TK1: variants seen among roughly 807,000 people sequenced by gnomAD.
TK1 encodes thymidine kinase 1, also known as thymidine kinase, cytosolic.
TK1 carries 13 observed loss-of-function variants against 22.4 expected under a neutral mutation model. That is an observed-to-expected ratio of 0.58 (90% CI 0.38 to 0.92). TK1 has a LOEUF of 0.92. Ranked by LOEUF, TK1 falls within the 40% of genes least tolerant of loss-of-function variation. The pLI, the probability that TK1 is intolerant of heterozygous loss-of-function variation, is 0.00. For missense variants in TK1, 251 were observed against 315.7 expected (o/e 0.80, Z 1.55); for synonymous variants, 134 against 125.4 (o/e 1.07, Z -0.46).
chr17:78,184,902 T>C (rs552751781), intron 3 of TK1, among the ~76,000 whole-genome samples, 153 bp downstream of exon 3: 4 of 150,380 alleles, frequency 2.7e-5, no homozygotes, highest in Admixed American at 2.0e-4. Flanking sequence ...GAGTGGAGAG[T>C]GTGCGCTACC....
At chr17:78,186,665 A>AAGGGAAGGGG in intron 2 of TK1, 122 bp downstream of exon 2, 2 of 813,586 alleles carry the variant, frequency 2.5e-6, no homozygotes, top group Admixed American at 3.4e-5. Flanking sequence ...CTTCTAGGGG[A>AAGGGAAGGGG]AGGGAAGGGG....
intron 4 of TK1, among the ~76,000 whole-genome samples, chr17:78,181,633 C>T (rs1330908954): frequency 6.6e-6 from 1 of 151,912 alleles, no homozygotes; most frequent in East Asian, 1.9e-4. Context: ...CATACAAAGA[C>T]TGGCAGCTTC....
At chr17:78,183,842 G>A (rs73377436) in intron 3 of TK1, 10,261 of 152,344 alleles carry the variant, frequency 0.067, 440 homozygotes, top group South Asian at 0.14. Flanking sequence ...CCTAAACAGA[G>A]AAAGACAAAG....
At chr17:78,182,711 G>C in intron 3 of TK1, 29 bp from the exon 4 acceptor site, 1 of 1,508,000 alleles carries the variant, frequency 6.6e-7, no homozygotes, top group Non-Finnish European at 8.9e-7. Context: ...AGCGTGAGCA[G>C]GGCCAGGGAG....
chr17:78,181,946 G>A (rs1437196318), intron 4 of TK1, among the ~76,000 whole-genome samples: 1 of 151,338 alleles, frequency 6.6e-6, no homozygotes, highest in Non-Finnish European at 1.5e-5. Context: ...TGGTAGAGAT[G>A]GGGTTTTACT....
At chr17:78,178,927 A>G (rs1335345984) in intron 4 of TK1, among the ~76,000 whole-genome samples, 1 of 152,210 alleles carries the variant, frequency 6.6e-6, no homozygotes, top group Non-Finnish European at 1.5e-5. Flanking sequence ...ATGTCTGGGT[A>G]GGGTGTAATA....
Position 78,186,787 on chromosome 17 carries a change from C to A in TK1, c.98G>T (p.Ser33Ile). 6.3e-7 allele frequency: 1 copy of A among 1,586,288 alleles called. No homozygotes were observed. Residue 33 changes from serine to isoleucine, a missense_variant and splice_region_variant, in exon 2 of 7, where the codon AGC becomes ATC. Ser to Ile is a moderately radical substitution (Grantham distance 142). Coordinates refer to ENST00000301634, the MANE Select transcript of TK1 (RefSeq NM_003258.5). ...VILGPMFSGK[S>I]TELMRRVRRF... ...CACCCCAGCCCCGCGAAGCCATTACCTTTTTCCTGAGAACATCGGCCCGAG... is the reference window on the plus strand; with the variant it reads ...CACCCCAGCCCCGCGAAGCCATTACATTTTTCCTGAGAACATCGGCCCGAG...
At chr17:78,186,659 T>TAGGGG in intron 2 of TK1, 128 bp downstream of exon 2, 1 of 875,860 alleles carries the variant, frequency 1.1e-6, no homozygotes, top group Non-Finnish European at 1.6e-6. Flanking sequence ...CTGGTCCTTC[T>TAGGGG]AGGGGAAGGG....
chr17:78,179,097 G>C, intron 4 of TK1: 2 of 935,012 alleles, frequency 2.1e-6, no homozygotes, highest in Non-Finnish European at 2.6e-6. Flanking sequence ...TTTCTGCCTC[G>C]GGGGTCTGGG....
chr17:78,175,219 G>GTTTTTTTTTTTT lies in TK1; in HGVS notation c.394-51_394-50insAAAAAAAAAAAA. On this transcript the variant is annotated intron_variant, in intron 5 of 6. Transcript: ENST00000301634. ...GGCGCTCAGCCACCTTACCAGGTGG[G>GTTTTTTTTTTTT]TTTTTCTTTTAAACCCTCTGATTCA... The GTTTTTTTTTTTT allele has an allele frequency of 8.3e-6, 13 of 1,574,986 alleles. No homozygotes were observed. The Admixed American group carries it at 1.5e-4, about 18-fold the overall frequency.
chr17:78,180,983 C>G (rs1268037577), intron 4 of TK1, among the ~76,000 whole-genome samples: 1 of 152,226 alleles, frequency 6.6e-6, no homozygotes, highest in Non-Finnish European at 1.5e-5. Context: ...GGCGTGGTGG[C>G]TCACGCCTGT....
intron 4 of TK1, chr17:78,179,228 G>A (rs1293250323): frequency 5.1e-6 from 5 of 985,306 alleles, no homozygotes; most frequent in Non-Finnish European, 6.0e-6. Context: ...TTCTGAGAGG[G>A]CCATGTCCCC....
At chr17:78,180,933 A>G (rs2145826314) in intron 4 of TK1, among the ~76,000 whole-genome samples, 1 of 152,288 alleles carries the variant, frequency 6.6e-6, no homozygotes. Context: ...AAACACAATG[A>G]CCAGCGCTGC....
At chr17:78,187,082 A>T, upstream of TK1, 2 of 1,407,302 alleles carry the variant, frequency 1.4e-6, no homozygotes, top group Non-Finnish European at 2.0e-6. Flanking sequence ...GCTTTAAACC[A>T]CGGCGTGCTG....
chr17:78,177,489 G>A (rs1011070020), intron 4 of TK1, among the ~76,000 whole-genome samples: 6 of 152,080 alleles, frequency 3.9e-5, no homozygotes, highest in African/African-American at 1.2e-4. Flanking sequence ...CCTGAAATCC[G>A]AAACACTTCT....
intron 4 of TK1, chr17:78,179,795 C>T (rs996995491): frequency 2.0e-6 from 2 of 977,602 alleles, no homozygotes; most frequent in Non-Finnish European, 2.4e-6. Flanking sequence ...TGTGGCCAGG[C>T]GTGGTGGCTC....
intron 3 of TK1, 81 bp downstream of exon 3, chr17:78,184,974 C>T: frequency 5.8e-6 from 6 of 1,042,156 alleles, no homozygotes; most frequent in Non-Finnish European, 7.4e-6. Context: ...GATTAACCAT[C>T]CCCATTAAAG....
At position 78,174,108 on chromosome 17, in the gene TK1, A is replaced by T. The variant is rs2075680094; in HGVS notation, c.*651T>A. The T allele has an allele frequency of 6.6e-6, 1 of 152,268 alleles. No individual in the cohort carries two copies. The highest frequency in any genetic ancestry group is 2.4e-5 in the African/African-American group (1 of 41,454). 9.4% of individuals were successfully genotyped at this position (152,268 alleles called of 1,614,324 possible). A position where few individuals can be genotyped will look rare whatever the true frequency, so the allele number is the denominator to read the frequency against. The stretch of plus-strand genomic sequence containing the variant: ...CCAACCAGTGAATTTTCAATTAGTT[A>T]ATTTCATAAGCTACAGCAGAGGCGT... On this transcript the variant is annotated 3_prime_UTR_variant, in exon 7 of 7. Coordinates refer to ENST00000301634, the MANE Select transcript of TK1 (RefSeq NM_003258.5).
chr17:78,178,697 T>C (rs2075718380), intron 4 of TK1, among the ~76,000 whole-genome samples: 1 of 152,152 alleles, frequency 6.6e-6, no homozygotes, highest in African/African-American at 2.4e-5. Flanking sequence ...AGGCTTGGAG[T>C]GCAATGGGGC....
Sources: gnomAD v4.1 joint callset for allele counts (sites outside exome capture counted in the v4.1 genomes callset) on GRCh38, gnomAD v4.1.1 for gene constraint, MANE v1.5 for transcripts, NCBI Gene and HGNC (gene_info 2026-07-23, HGNC 2026-07-21) for gene names.